OXCT1: variants seen among roughly 807,000 people sequenced by gnomAD.
The protein encoded by OXCT1 is 3-oxoacid CoA-transferase 1.
In OXCT1, 27 loss-of-function variants were observed where a neutral mutation model predicts 69.6. That is an observed-to-expected ratio of 0.39 (90% CI 0.29 to 0.54). The LOEUF (loss-of-function observed/expected upper bound fraction) is 0.54, where lower values mean the gene tolerates loss of function less well. OXCT1 is among the 20% of genes least tolerant of loss of function. The probability of loss-of-function intolerance (pLI) is 0.72; values close to 1 mark genes in which losing one functional copy is unlikely to be tolerated. For synonymous variants in OXCT1, 202 were observed against 217.8 expected (o/e 0.93, Z 0.64); for missense variants, 437 against 650.2 (o/e 0.67, Z 3.57).
intron 13 of OXCT1, among the ~76,000 whole-genome samples, chr5:41,789,564 A>G (rs558268326): frequency 6.6e-6 from 1 of 152,358 alleles, no homozygotes; most frequent in Admixed American, 6.5e-5. Context: ...TACATGATCA[A>G]TAAGTAAAGA....
At chr5:41,805,468 G>T in intron 9 of OXCT1, 99 bp downstream of exon 9, 5 of 794,704 alleles carry the variant, frequency 6.3e-6, no homozygotes, top group Non-Finnish European at 8.9e-6. Flanking sequence ...AGTTACCATA[G>T]ACTAGAGATG....
At chr5:41,845,813 G>T (rs1407681617) in intron 5 of OXCT1, among the ~76,000 whole-genome samples, 1 of 151,924 alleles carries the variant, frequency 6.6e-6, no homozygotes, top group Admixed American at 6.6e-5. Context: ...TAACAATTAG[G>T]CTCCTGTCTT....
rs761423413 is a variant in OXCT1, at chr5:41,731,561, T to C, written c.*168A>G. 8.7e-5 allele frequency: 92 copies of C among 1,054,134 alleles called. No homozygotes were observed. The highest frequency in any genetic ancestry group is 1.2e-4 in the Non-Finnish European group (88 of 735,506). The allele number at this position is 1,054,134 out of a possible 1,614,324, so 65.3% of individuals were successfully genotyped here. ...GCTCCTTTTGCTTTTTATTAAAATG[T>C]CACAGCATGCCTAGAGAACAGTTTA... On this transcript the variant is annotated 3_prime_UTR_variant, in exon 17 of 17. Transcript: ENST00000196371.
chr5:41,753,549 C>CCTAT (rs1743916522), intron 14 of OXCT1, among the ~76,000 whole-genome samples: 1 of 152,098 alleles, frequency 6.6e-6, no homozygotes, highest in Non-Finnish European at 1.5e-5. Context: ...CAGGAGTTGG[C>CCTAT]TCAGACACCA....
intron 13 of OXCT1, among the ~76,000 whole-genome samples, chr5:41,776,110 T>C (rs1031307239): frequency 2.6e-5 from 4 of 152,222 alleles, no homozygotes; most frequent in Admixed American, 1.3e-4. Context: ...AGAAGGGCAC[T>C]CTACTTCTAT....
Position 41,762,035 on chromosome 5 carries a change from T to A in OXCT1, c.1338+76A>T. 1.1e-6 allele frequency: 1 copy of A among 927,736 alleles called. No individual in the cohort carries two copies. The highest frequency in any genetic ancestry group is 1.3e-5 in the South Asian group (1 of 77,536). 57.5% of individuals were successfully genotyped at this position (927,736 alleles called of 1,614,324 possible). ...AGAGAAAATAAAATCCACAGTTAGG[T>A]GACCTGGTGGTACACTGGGTTTTGA... On this transcript the variant is annotated intron_variant, in intron 14 of 16. Coordinates refer to ENST00000196371, the MANE Select transcript of OXCT1 (RefSeq NM_000436.4). This position sits in a 1 kb window ranked among gnomAD's most constrained non-coding sequence, Gnocchi z 4.0.
chr5:41,820,982 C>T (rs1004814178), intron 7 of OXCT1, among the ~76,000 whole-genome samples: 1 of 152,192 alleles, frequency 6.6e-6, no homozygotes, highest in Non-Finnish European at 1.5e-5. Flanking sequence ...CTATGCACAA[C>T]TTATTTTCAG....
At chr5:41,765,466 G>T (rs1334623375) in intron 13 of OXCT1, among the ~76,000 whole-genome samples, 3 of 152,134 alleles carry the variant, frequency 2.0e-5, no homozygotes, top group African/African-American at 7.2e-5. Flanking sequence ...AAAAATAAGT[G>T]CACAGGGTGC....
chr5:41,781,836 T>G (rs1370570239), intron 13 of OXCT1, among the ~76,000 whole-genome samples: 1 of 152,240 alleles, frequency 6.6e-6, no homozygotes. Flanking sequence ...GTGCCACATT[T>G]TCTTTATTCA....
chr5:41,829,281 T>C (rs1378208509), intron 7 of OXCT1, among the ~76,000 whole-genome samples: 5 of 152,154 alleles, frequency 3.3e-5, no homozygotes, highest in African/African-American at 9.7e-5. Context: ...TGGATTTACA[T>C]AATACAGGTT....
intron 3 of OXCT1, among the ~76,000 whole-genome samples, chr5:41,859,192 T>G (rs1004334190): frequency 6.6e-6 from 1 of 152,204 alleles, no homozygotes; most frequent in Non-Finnish European, 1.5e-5. Context: ...TTTGCTGTGC[T>G]TGTGTTCAAG....
At position 41,762,573 on chromosome 5, in the gene OXCT1, C is replaced by T. The variant is rs1316839425; in HGVS notation, c.1249-373G>A. On this transcript the variant is annotated intron_variant, in intron 13 of 16. Transcript: ENST00000196371. The surrounding 1 kb of genome is among the most constrained non-coding windows in gnomAD (Gnocchi z 4.0). The stretch of plus-strand genomic sequence containing the variant: ...TCCACTTCTTTTTAAACACAATCAA[C>T]TCTACTGAGTCTTCAATTAAGGGCA... 6.6e-6 allele frequency among the ~76,000 whole-genome samples: 1 copy of T among 152,086 alleles called. No homozygotes were observed. Among genetic ancestry groups the T allele is most frequent in the Non-Finnish European group, 1.5e-5 (1 of 68,008 alleles).
At chr5:41,770,758 C>T (rs1038150162) in intron 13 of OXCT1, among the ~76,000 whole-genome samples, 2 of 152,012 alleles carry the variant, frequency 1.3e-5, no homozygotes, top group Non-Finnish European at 2.9e-5. Context: ...TTATAAATTC[C>T]ACTATAATAA....
intron 13 of OXCT1, among the ~76,000 whole-genome samples, chr5:41,772,760 C>T (rs918172953): frequency 2.0e-5 from 3 of 152,200 alleles, no homozygotes; most frequent in South Asian, 2.1e-4. Flanking sequence ...CTGTGCAAGC[C>T]TTACTCTGTG....
At chr5:41,851,491 T>C (rs1047931020) in intron 4 of OXCT1, among the ~76,000 whole-genome samples, 4 of 152,186 alleles carry the variant, frequency 2.6e-5, no homozygotes, top group African/African-American at 9.7e-5. Flanking sequence ...TCTCCTTCTA[T>C]CATACCAGGT....
chr5:41,840,552 C>T (rs377577914), intron 6 of OXCT1, 41 bp from the exon 7 acceptor site: 37 of 1,284,594 alleles, frequency 2.9e-5, no homozygotes, highest in Middle Eastern at 1.8e-4. Flanking sequence ...GGGGAAAAGA[C>T]GAAAAATAAG....
intron 13 of OXCT1, among the ~76,000 whole-genome samples, chr5:41,788,337 AT>A (rs926275377): frequency 6.5e-4 from 99 of 152,326 alleles, no homozygotes; most frequent in African/African-American, 2.3e-3. Flanking sequence ...AGAAAAAAAA[AT>A]ATCCTGATAG....
intron 7 of OXCT1, among the ~76,000 whole-genome samples, chr5:41,831,800 A>T (rs1748111880): frequency 6.6e-6 from 1 of 152,186 alleles, no homozygotes; most frequent in Non-Finnish European, 1.5e-5. Context: ...GCTTACTATT[A>T]TATATGTTCA....
At chr5:41,793,277 G>A (rs957613853) in intron 13 of OXCT1, among the ~76,000 whole-genome samples, 1 of 152,154 alleles carries the variant, frequency 6.6e-6, no homozygotes, top group South Asian at 2.1e-4. Flanking sequence ...CACACACAAA[G>A]AGCAACCGGG....
Sources: allele counts gnomAD v4.1 joint callset (sites outside exome capture counted in the v4.1 genomes callset), GRCh38; gene constraint gnomAD v4.1.1; non-coding constraint Gnocchi (gnomAD v3.1); transcripts MANE v1.5; gene names NCBI Gene and HGNC (gene_info 2026-07-23, HGNC 2026-07-21).